The following FMNL2 variants were observed in gnomAD, a reference collection of about 807,000 sequenced individuals.
FMNL2 encodes formin like 2, also known as formin-like protein 2.
A neutral mutation model predicts 130.2 loss-of-function variants in FMNL2; 51 were observed. That is an observed-to-expected ratio of 0.39 (90% CI 0.31 to 0.49). FMNL2 has a LOEUF of 0.49. Ranked by LOEUF, FMNL2 falls within the 20% of genes least tolerant of loss-of-function variation. FMNL2 has a pLI of 0.85. For missense variants in FMNL2, 977 were observed against 1,316.2 expected (o/e 0.74, Z 3.99); for synonymous variants, 465 against 467.1 (o/e 1.00, Z 0.06).
chr2:152,641,410 C>T (rs769988594), intron 25 of FMNL2, among the ~76,000 whole-genome samples: 29 of 152,338 alleles, frequency 1.9e-4, no homozygotes, highest in Non-Finnish European at 4.0e-4. Flanking sequence ...GTTAACCCAG[C>T]CTGGTTCCTG....
rs539658237 is a variant in FMNL2, at chr2:152,429,934, G to T, written c.118-92009G>T. ...ATATTGCATTTACACATCTATCTTG[G>T]ATTTTTAAAAGATGTGGCATAGGTG... On this transcript the variant is annotated intron_variant, in intron 1 of 25. Transcript: ENST00000288670. Among the ~76,000 whole-genome samples, 4 of 152,208 alleles carry T rather than the reference G, an allele frequency of 2.6e-5. No homozygotes were observed. In the East Asian group the frequency reaches 7.7e-4, roughly 29 times the overall value.
chr2:152,612,174 G>C (rs190725810), intron 11 of FMNL2, among the ~76,000 whole-genome samples: 51 of 152,330 alleles, frequency 3.3e-4, no homozygotes, highest in African/African-American at 1.2e-3. Flanking sequence ...TTGCAGAAGA[G>C]TTTAGCCAGT....
chr2:152,634,133 T>G (rs1397212992), intron 21 of FMNL2, among the ~76,000 whole-genome samples: 6 of 152,212 alleles, frequency 3.9e-5, no homozygotes, highest in African/African-American at 1.4e-4. Context: ...TCATTATAAC[T>G]AGGCTCAAAC....
chr2:152,469,978 G>C (rs1052751868), intron 1 of FMNL2, among the ~76,000 whole-genome samples: 31 of 152,166 alleles, frequency 2.0e-4, no homozygotes, highest in African/African-American at 7.2e-4. Flanking sequence ...ATTAATGAGG[G>C]TAATTTATTC....
In FMNL2 at chr2:152,394,721, G is replaced by GTTT. The variant is rs11407117; in HGVS notation, c.117+59013_117+59015dup. ...TATATTACATAACATTAACTGTTGG[G>GTTT]TTTTTTTTTTTTTTGGCCTTTGGAA... is the stretch of plus-strand genomic sequence containing the variant. On this transcript the variant is annotated intron_variant, in intron 1 of 25. Coordinates refer to ENST00000288670, the MANE Select transcript of FMNL2 (RefSeq NM_052905.4). Among the ~76,000 whole-genome samples the GTTT allele has an allele frequency of 8.0e-3, 1,144 of 143,712 alleles. 17 individuals are homozygous for GTTT. The highest frequency in any genetic ancestry group is 0.022 in the African/African-American group (850 of 38,494). 94.3% of individuals were successfully genotyped at this position (143,712 alleles called of 152,430 possible).
chr2:152,417,751 G>T (rs1357859065), intron 1 of FMNL2, among the ~76,000 whole-genome samples: 1 of 152,168 alleles, frequency 6.6e-6, no homozygotes, highest in Admixed American at 6.5e-5. Flanking sequence ...ATTTCCCACT[G>T]AACCCAGACT....
At chr2:152,480,632 CT>C (rs1384796070) in intron 1 of FMNL2, among the ~76,000 whole-genome samples, 4 of 36,920 alleles carry the variant, frequency 1.1e-4, no homozygotes, top group African/African-American at 3.6e-4. Context: ...AAGACTCTGT[CT>C]AAAAAAAAAA....
chr2:152,341,397 A>G (rs569705524), intron 1 of FMNL2, among the ~76,000 whole-genome samples: 160 of 152,364 alleles, frequency 1.1e-3, no homozygotes, highest in Admixed American at 1.6e-3. Flanking sequence ...GTTTGGCTCC[A>G]GGAAGAGACT....
rs1682047442 is a variant in FMNL2, at chr2:152,629,825, A to G, written c.2470A>G (p.Ile824Val). 1 of 1,612,834 alleles carries G rather than the reference A, an allele frequency of 6.2e-7. No individual in the cohort carries two copies. The part of the protein sequence containing the change: ...SSQKLKKILE[I>V]ILALGNYMNS... ...CTTCTGTTTTCACCTTCTTTTGCAG[A>G]TCATCTTAGCCCTTGGAAACTACAT... The change falls in exon 20 of 26, where the codon ATC becomes GTC. Residue 824 changes from isoleucine to valine, a missense_variant and splice_region_variant. Ile to Val is a conservative substitution (Grantham distance 29). Transcript: ENST00000288670.
intron 5 of FMNL2, 103 bp downstream of exon 5, chr2:152,558,926 C>A: frequency 9.7e-7 from 1 of 1,029,478 alleles, no homozygotes; most frequent in Non-Finnish European, 1.5e-6. Context: ...AACTCAGAAG[C>A]AGATGTGCTA....
At chr2:152,536,152 C>T (rs1693983929) in intron 2 of FMNL2, among the ~76,000 whole-genome samples, 1 of 152,236 alleles carries the variant, frequency 6.6e-6, no homozygotes, top group Admixed American at 6.5e-5. Context: ...CCTCTTCTAG[C>T]CCACCCTGCA....
intron 15 of FMNL2, among the ~76,000 whole-genome samples, chr2:152,624,450 C>G (rs144688974): frequency 7.2e-5 from 11 of 152,080 alleles, no homozygotes; most frequent in Admixed American, 2.6e-4. Flanking sequence ...CCACGCCCAG[C>G]AATTTCTTTT....
At chr2:152,644,506 T>C (rs1683370059) in intron 25 of FMNL2, among the ~76,000 whole-genome samples, 1 of 152,194 alleles carries the variant, frequency 6.6e-6, no homozygotes, top group African/African-American at 2.4e-5. Context: ...ACCTAGCTTG[T>C]ATATGTAGAT....
At chr2:152,453,766 A>C (rs1253467378) in intron 1 of FMNL2, among the ~76,000 whole-genome samples, 1 of 152,222 alleles carries the variant, frequency 6.6e-6, no homozygotes, top group Non-Finnish European at 1.5e-5. Context: ...CATTATAAGC[A>C]GAGAGTGAAA....
At chr2:152,343,642 C>T (rs1030633217) in intron 1 of FMNL2, among the ~76,000 whole-genome samples, 4 of 152,300 alleles carry the variant, frequency 2.6e-5, no homozygotes, top group South Asian at 2.1e-4. Flanking sequence ...GGGACACTAA[C>T]GTGTGACTGA....
At chr2:152,538,230 G>T (rs1403652342) in intron 2 of FMNL2, among the ~76,000 whole-genome samples, 4 of 152,022 alleles carry the variant, frequency 2.6e-5, no homozygotes, top group Non-Finnish European at 5.9e-5. Flanking sequence ...CAGGGAAGAG[G>T]AAGAGGAGGA....
At chr2:152,459,529 G>GT (rs1483922628) in intron 1 of FMNL2, among the ~76,000 whole-genome samples, 1 of 152,120 alleles carries the variant, frequency 6.6e-6, no homozygotes, top group Non-Finnish European at 1.5e-5. Context: ...TAAGCAAAAT[G>GT]TTTTTTGTTT....
chr2:152,444,946 C>T (rs1688257180), intron 1 of FMNL2, among the ~76,000 whole-genome samples: 3 of 152,232 alleles, frequency 2.0e-5, no homozygotes, highest in Non-Finnish European at 2.9e-5. Context: ...TCTCTGAGGG[C>T]ATCATACATG....
chr2:152,537,197 C>T lies in FMNL2; in HGVS notation c.202-5542C>T, dbSNP rs148751115. On this transcript the variant is annotated intron_variant, in intron 2 of 25. Coordinates refer to ENST00000288670, the MANE Select transcript of FMNL2 (RefSeq NM_052905.4). The stretch of plus-strand genomic sequence containing the variant: ...AGCTGATGAATTCTGTTTGCTGTGA[C>T]TTACCTAATTAATTTACTACACCCC... 9.3e-3 allele frequency among the ~76,000 whole-genome samples: 1,420 copies of T among 152,338 alleles called. 14 individuals are homozygous for T. The highest frequency in any genetic ancestry group is 0.027 in the Middle Eastern group (8 of 294).
Sources: gnomAD v4.1 joint callset for allele counts (sites outside exome capture counted in the v4.1 genomes callset) on GRCh38, gnomAD v4.1.1 for gene constraint, MANE v1.5 for transcripts, NCBI Gene and HGNC (gene_info 2026-07-23, HGNC 2026-07-21) for gene names.